MAPKAP1: variants seen among roughly 807,000 people sequenced by gnomAD.
The protein encoded by MAPKAP1 is target of rapamycin complex 2 subunit MAPKAP1.
Under a neutral mutation model 65.7 loss-of-function variants are expected in MAPKAP1, and 20 were observed. The observed-to-expected ratio is 0.30, with a 90% CI of 0.21 to 0.44. The LOEUF (loss-of-function observed/expected upper bound fraction) is 0.44, where lower values mean the gene tolerates loss of function less well. MAPKAP1 is among the 20% of genes least tolerant of loss of function. MAPKAP1 has a pLI of 1.00. For synonymous variants in MAPKAP1, 222 were observed against 244.3 expected (o/e 0.91, Z 0.85); for missense variants, 423 against 648.0 (o/e 0.65, Z 3.77).
At chr9:125,604,401 T>C (rs541959821) in intron 4 of MAPKAP1, among the ~76,000 whole-genome samples, 123 of 152,354 alleles carry the variant, frequency 8.1e-4, no homozygotes, top group Admixed American at 2.4e-3. Flanking sequence ...ATGCTTTATC[T>C]GCATTGTAAT....
rs536439510 is a variant in MAPKAP1 at position 125,556,791 on chromosome 9, G to C, written c.848+2842C>G. Among the ~76,000 whole-genome samples the C allele has an allele frequency of 2.0e-5, 3 of 152,314 alleles. No individual in the cohort carries two copies. In the South Asian group the frequency reaches 6.2e-4, roughly 32 times the overall value. Reference sequence around the variant, plus strand: ...GGTCTGCTCTGTTCTGCATCTGTAGGAGAAGCTTTACTAACTTAGAATATA... The same window carrying C: ...GGTCTGCTCTGTTCTGCATCTGTAGCAGAAGCTTTACTAACTTAGAATATA... On this transcript the variant is annotated intron_variant, in intron 6 of 11. Transcript: ENST00000265960.
Position 125,657,729 on chromosome 9 carries a change from C to A in MAPKAP1, c.420G>T (p.Ser140=). 3.1e-6 allele frequency: 5 copies of A among 1,613,850 alleles called. No homozygotes were observed. The highest frequency in any genetic ancestry group is 4.2e-6 in the Non-Finnish European group (5 of 1,179,782). ...ACTGTTCTAGGCGTACAGATAATAT[C>A]GACTGCTTCCCAGAAATTGGAGGCT... ...KEKPPISGKQ[S]ILSVRLEQCP... is the part of the protein sequence containing the mutation. The change falls in exon 4 of 12, where the codon TCG becomes TCT. Residue 140 remains serine, a synonymous_variant. Coordinates refer to ENST00000265960, the MANE Select transcript of MAPKAP1 (RefSeq NM_001006617.3).
At chr9:125,544,404 T>C (rs1046016910) in intron 6 of MAPKAP1, among the ~76,000 whole-genome samples, 1 of 152,140 alleles carries the variant, frequency 6.6e-6, no homozygotes. Context: ...CAAGTAATTA[T>C]AAGACAAAAC....
intron 3 of MAPKAP1, among the ~76,000 whole-genome samples, chr9:125,660,535 G>T (rs574508309): frequency 6.6e-6 from 1 of 152,092 alleles, no homozygotes; most frequent in Non-Finnish European, 1.5e-5. Context: ...TGAAATTATA[G>T]ACATCCAACT....
At chr9:125,661,905 TTTC>T (rs1295496121) in intron 3 of MAPKAP1, among the ~76,000 whole-genome samples, 2 of 152,080 alleles carry the variant, frequency 1.3e-5, no homozygotes, top group Non-Finnish European at 2.9e-5. Context: ...AATGACCCAA[TTTC>T]TTCAACAAAT....
At chr9:125,460,966 CT>C (rs1853471797) in intron 10 of MAPKAP1, among the ~76,000 whole-genome samples, 1 of 152,142 alleles carries the variant, frequency 6.6e-6, no homozygotes, top group African/African-American at 2.4e-5. Flanking sequence ...ATAGGCATGC[CT>C]AAAGCACAAG....
intron 6 of MAPKAP1, 70 bp from the exon 7 acceptor site, chr9:125,543,238 G>C: frequency 1.8e-6 from 2 of 1,141,204 alleles, no homozygotes; most frequent in South Asian, 2.6e-5. Flanking sequence ...AATCTTCACT[G>C]TGTTTAAGCA....
chr9:125,701,928 G>A (rs1246786748), intron 1 of MAPKAP1, among the ~76,000 whole-genome samples: 1 of 152,160 alleles, frequency 6.6e-6, no homozygotes, highest in African/African-American at 2.4e-5. Flanking sequence ...TTTACCATGA[G>A]ATTTCTAATC....
chr9:125,593,865 C>G (rs1162461446), intron 4 of MAPKAP1, among the ~76,000 whole-genome samples: 1 of 152,214 alleles, frequency 6.6e-6, no homozygotes, highest in Non-Finnish European at 1.5e-5. Flanking sequence ...TATCCCACAG[C>G]CTCTCCCTGA....
chr9:125,577,617 G>C (rs1428923156), intron 5 of MAPKAP1, among the ~76,000 whole-genome samples: 1 of 114,184 alleles, frequency 8.8e-6, no homozygotes, highest in African/African-American at 3.4e-5. Context: ...GAGGTGGGGG[G>C]GGTCAGCCCC....
Position 125,506,370 on chromosome 9 carries a change from C to G in MAPKAP1, c.1006G>C (p.Asp336His), listed in dbSNP as rs1307107598. 1.1e-5 allele frequency: 17 copies of G among 1,614,128 alleles called. No homozygotes were observed. Among genetic ancestry groups the G allele is most frequent in the Non-Finnish European group, 1.4e-5 (16 of 1,180,038 alleles). The change falls in exon 8 of 12, where the codon GAC becomes CAC. Residue 336 changes from aspartate (D) to histidine (H), a missense_variant. Coordinates refer to ENST00000265960, the MANE Select transcript of MAPKAP1 (RefSeq NM_001006617.3). ...TGGCTCTCCAAAGTGCTGTCCAGGT[C>G]AACGGCGACATTGGGCTCGCTCTGC... ...EKQSEPNVAVDLDSTLESQSA... is the reference protein window; with the variant it reads ...EKQSEPNVAVHLDSTLESQSA...
At chr9:125,654,478 G>C (rs936263926) in intron 4 of MAPKAP1, among the ~76,000 whole-genome samples, 1 of 152,140 alleles carries the variant, frequency 6.6e-6, no homozygotes, top group Non-Finnish European at 1.5e-5. Flanking sequence ...ACAGATCACA[G>C]AGAGCATCAC....
Position 125,544,298 on chromosome 9 carries a change from G to A in MAPKAP1, c.849-1130C>T, listed in dbSNP as rs201050051. Among the ~76,000 whole-genome samples the A allele has an allele frequency of 4.0e-4, 61 of 152,022 alleles. 1 individual carries two copies. In the South Asian group the frequency reaches 8.1e-3, roughly 20 times the overall value. On this transcript the variant is annotated intron_variant, in intron 6 of 11. Transcript: ENST00000265960. ...GCTGGGATTACAGGCATAAGCCACC[G>A]CACCTGGCTGTATTTTTTTTTTTAA...
At chr9:125,515,239 G>A (rs1191344341) in intron 7 of MAPKAP1, among the ~76,000 whole-genome samples, 3 of 152,136 alleles carry the variant, frequency 2.0e-5, no homozygotes, top group African/African-American at 7.2e-5. Flanking sequence ...GACCAAGGCT[G>A]TTCCAATAAA....
chr9:125,679,755 C>T (rs1482712919), intron 1 of MAPKAP1, among the ~76,000 whole-genome samples: 1 of 152,192 alleles, frequency 6.6e-6, no homozygotes, highest in Non-Finnish European at 1.5e-5. Context: ...AACAATACGA[C>T]TTACAATGCT....
At chr9:125,587,185 A>G (rs1831813801) in intron 4 of MAPKAP1, among the ~76,000 whole-genome samples, 1 of 152,248 alleles carries the variant, frequency 6.6e-6, no homozygotes, top group Non-Finnish European at 1.5e-5. Flanking sequence ...AATCTTCATG[A>G]CTTTGGATTA....
At chr9:125,551,323 C>T (rs1217095645) in intron 6 of MAPKAP1, among the ~76,000 whole-genome samples, 1 of 152,140 alleles carries the variant, frequency 6.6e-6, no homozygotes, top group Non-Finnish European at 1.5e-5. Flanking sequence ...ACTAAAACTC[C>T]CCACTCTTCT....
At chr9:125,567,927 G>A (rs977960052) in intron 5 of MAPKAP1, 14 of 152,142 alleles carry the variant, frequency 9.2e-5, no homozygotes, top group Non-Finnish European at 1.3e-4. Flanking sequence ...AACCACAAAA[G>A]GGACAATACT....
intron 8 of MAPKAP1, among the ~76,000 whole-genome samples, chr9:125,486,776 T>C (rs1216455766): frequency 6.6e-6 from 1 of 152,054 alleles, no homozygotes; most frequent in African/African-American, 2.4e-5. Context: ...CATGCTGTCC[T>C]CTCTGCCCAG....
Sources: gnomAD v4.1 joint callset for allele counts (sites outside exome capture counted in the v4.1 genomes callset) on GRCh38, gnomAD v4.1.1 for gene constraint, MANE v1.5 for transcripts, NCBI Gene and HGNC (gene_info 2026-07-23, HGNC 2026-07-21) for gene names.